TMEM120B: variants seen among roughly 807,000 people sequenced by gnomAD.
The protein encoded by TMEM120B is transmembrane protein 120B.
TMEM120B carries 31 observed loss-of-function variants against 55.5 expected under a neutral mutation model. The observed-to-expected ratio is 0.56, with a 90% CI of 0.42 to 0.75. The LOEUF is 0.75. Ranked by LOEUF, TMEM120B falls within the 30% of genes least tolerant of loss-of-function variation. TMEM120B has a pLI of 0.00. For missense variants in TMEM120B, 399 were observed against 425.5 expected, an observed-to-expected ratio of 0.94 and a Z score of 0.55; for synonymous variants, 203 against 176.3, an observed-to-expected ratio of 1.15 and a Z score of -1.20.
chr12:121,751,167 C>G (rs1443070984), intron 4 of TMEM120B, among the ~76,000 whole-genome samples: 8 of 139,828 alleles, frequency 5.7e-5, no homozygotes, highest in Admixed American at 5.6e-4. Flanking sequence ...AACCCACACC[C>G]CACACCTAAC....
chr12:121,754,456 C>T (rs1369259536), intron 5 of TMEM120B, among the ~76,000 whole-genome samples: 2 of 152,192 alleles, frequency 1.3e-5, no homozygotes, highest in Non-Finnish European at 2.9e-5. Flanking sequence ...AAACGACAGA[C>T]ACATTTTCCC....
intron 5 of TMEM120B, among the ~76,000 whole-genome samples, chr12:121,760,357 AG>A (rs1387975698): frequency 2.0e-5 from 3 of 150,038 alleles, no homozygotes; most frequent in Non-Finnish European, 4.4e-5. Context: ...TTGGAGGACA[AG>A]TGTGCGGTGT....
chr12:121,729,961 A>G (rs185011982), intron 1 of TMEM120B, among the ~76,000 whole-genome samples: 28 of 152,008 alleles, frequency 1.8e-4, no homozygotes, highest in Non-Finnish European at 3.2e-4. Context: ...TACTAGCCTT[A>G]AAAAGGAAGG....
At chr12:121,760,299 A>C (rs927859589) in intron 5 of TMEM120B, among the ~76,000 whole-genome samples, 1 of 152,048 alleles carries the variant, frequency 6.6e-6, no homozygotes, top group African/African-American at 2.4e-5. Context: ...TGTCTCAAAA[A>C]AAAAAAGAAA....
intron 10 of TMEM120B, 126 bp downstream of exon 10, chr12:121,774,848 G>C: frequency 7.8e-7 from 1 of 1,275,696 alleles, no homozygotes; most frequent in Non-Finnish European, 1.1e-6. Context: ...CTGGGGCCGG[G>C]GCAGCCTCTG....
Position 121,781,193 on chromosome 12 carries a change from C to T in TMEM120B, c.*5471C>T. On this transcript the variant is annotated 3_prime_UTR_variant, in exon 12 of 12. Coordinates refer to ENST00000449592, the MANE Select transcript of TMEM120B (RefSeq NM_001080825.2). ...CGCAGCCGGTCATAGTCTTCTTGCCCTGAAAGCACAGAGCAGCGGGGGTCA... is the reference window on the plus strand; with the variant it reads ...CGCAGCCGGTCATAGTCTTCTTGCCTTGAAAGCACAGAGCAGCGGGGGTCA... 2 of 1,614,072 alleles carry T rather than the reference C, an allele frequency of 1.2e-6. No homozygotes were observed. The highest frequency in any genetic ancestry group is 1.7e-6 in the Non-Finnish European group (2 of 1,179,928).
chr12:121,763,068 C>T (rs1430088981), intron 6 of TMEM120B, among the ~76,000 whole-genome samples: 1 of 152,058 alleles, frequency 6.6e-6, no homozygotes, highest in Non-Finnish European at 1.5e-5. Flanking sequence ...GTCTTGAGAC[C>T]CAGTTAAAAC....
At chr12:121,756,485 C>G (rs1382484029) in intron 5 of TMEM120B, among the ~76,000 whole-genome samples, 7 of 152,176 alleles carry the variant, frequency 4.6e-5, no homozygotes, top group Admixed American at 2.6e-4. Context: ...GTCTCAAACT[C>G]CTAAAGTCTT....
At chr12:121,726,578 CA>C (rs35018846) in intron 1 of TMEM120B, among the ~76,000 whole-genome samples, 12 of 130,944 alleles carry the variant, frequency 9.2e-5, no homozygotes, top group Admixed American at 1.6e-4. Context: ...GACTCTGTCT[CA>C]AAAAAAAAAA....
In TMEM120B at chr12:121,760,294, C is replaced by CA. The variant is rs113740667; in HGVS notation, c.462-1344dup. On this transcript the variant is annotated intron_variant, in intron 5 of 11. Coordinates refer to ENST00000449592, the MANE Select transcript of TMEM120B (RefSeq NM_001080825.2). The stretch of plus-strand genomic sequence containing the variant: ...CTCCAGCCTGAGCGAGACTCTGTCT[C>CA]AAAAAAAAAAAGAAAAAGTAAAGTA... Among the ~76,000 whole-genome samples, 755 of 142,040 alleles carry CA rather than the reference C, an allele frequency of 5.3e-3. 4 individuals carry two copies. The highest frequency in any genetic ancestry group is 0.014 in the African/African-American group (557 of 39,098). 93.2% of individuals were successfully genotyped at this position (142,040 alleles called of 152,430 possible).
chr12:121,776,778 A>T lies in TMEM120B; in HGVS notation c.*1056A>T, dbSNP rs1026104019. On this transcript the variant is annotated 3_prime_UTR_variant, in exon 12 of 12. Coordinates refer to ENST00000449592, the MANE Select transcript of TMEM120B (RefSeq NM_001080825.2). The stretch of plus-strand genomic sequence containing the variant: ...GGCATGCCTTGTTTAGCCCTCCTCA[A>T]GGAATTTTAAAATTTTTAATTACTT... The T allele has an allele frequency of 6.6e-6, 1 of 151,252 alleles. No individual in the cohort carries two copies. The highest frequency in any genetic ancestry group is 2.5e-5 in the African/African-American group (1 of 40,654). The allele number at this position is 151,252 out of a possible 1,614,324, so 9.4% of individuals were successfully genotyped here.
At position 121,778,862 on chromosome 12, in the gene TMEM120B, A is replaced by G. The variant is rs1874335274; in HGVS notation, c.*3140A>G. ...GATGGGTGGTCCAGGGTATACTTTTAACAACTGAGAAGCCATTTTTTCTGC... is the reference window on the plus strand; with the variant it reads ...GATGGGTGGTCCAGGGTATACTTTTGACAACTGAGAAGCCATTTTTTCTGC... On this transcript the variant is annotated 3_prime_UTR_variant, in exon 12 of 12. Coordinates refer to ENST00000449592, the MANE Select transcript of TMEM120B (RefSeq NM_001080825.2). The G allele has an allele frequency of 6.5e-6, 1 of 152,694 alleles. No homozygotes were observed. The highest frequency in any genetic ancestry group is 2.1e-4 in the South Asian group (1 of 4,842). The allele number at this position is 152,694 out of a possible 1,614,324, so 9.5% of individuals were successfully genotyped here.
At position 121,779,605 on chromosome 12, in the gene TMEM120B, A is replaced by C. The variant is rs1874369594; in HGVS notation, c.*3883A>C. Reference sequence around the variant, plus strand: ...AAGACGTCCTCCACATTCTCCCGAAACTTGGCGGAACATTCCAGGTAGAGA... The same window carrying C: ...AAGACGTCCTCCACATTCTCCCGAACCTTGGCGGAACATTCCAGGTAGAGA... On this transcript the variant is annotated 3_prime_UTR_variant, in exon 12 of 12. Coordinates refer to ENST00000449592, the MANE Select transcript of TMEM120B (RefSeq NM_001080825.2). 6.2e-7 allele frequency: 1 copy of C among 1,614,090 alleles called. No homozygotes were observed. Among genetic ancestry groups the C allele is most frequent in the Non-Finnish European group, 8.5e-7 (1 of 1,180,034 alleles).
chr12:121,777,332 C>T lies in TMEM120B; in HGVS notation c.*1610C>T, dbSNP rs1874278999. 1 of 151,962 alleles carries T rather than the reference C, an allele frequency of 6.6e-6. No homozygotes were observed. Among genetic ancestry groups the T allele is most frequent in the African/African-American group, 2.4e-5 (1 of 41,324 alleles). The allele number at this position is 151,962 out of a possible 1,614,324, so 9.4% of individuals were successfully genotyped here. A position where few individuals can be genotyped will look rare whatever the true frequency, so the allele number is the denominator to read the frequency against. On this transcript the variant is annotated 3_prime_UTR_variant, in exon 12 of 12. Transcript: ENST00000449592. ...GTCTCACTATGTTGCCCAGGCTGGT[C>T]TCCAACTCATGGGCTCAACTCATCC...
intron 1 of TMEM120B, among the ~76,000 whole-genome samples, chr12:121,732,085 A>G (rs1895014140): frequency 2.0e-5 from 3 of 152,192 alleles, no homozygotes; most frequent in Non-Finnish European, 4.4e-5. Flanking sequence ...TGCAGTGAGC[A>G]GAGATCGGGC....
intron 2 of TMEM120B, among the ~76,000 whole-genome samples, chr12:121,745,266 C>T (rs1447955178): frequency 6.6e-6 from 1 of 152,204 alleles, no homozygotes; most frequent in East Asian, 1.9e-4. Context: ...TTTGAGAGTT[C>T]CGTGTTACCA....
chr12:121,725,033 C>T (rs1894867327), intron 1 of TMEM120B, among the ~76,000 whole-genome samples: 1 of 152,154 alleles, frequency 6.6e-6, no homozygotes. Context: ...TTGTATTTTT[C>T]TCTCTTGGAT....
chr12:121,743,724 G>C lies in TMEM120B; in HGVS notation c.165G>C (p.Lys55Asn). ...SSISKQKKHL[K>N]DLKLTLQRCK... ...TCAGTAAGCAGAAGAAGCACCTCAA[G>C]GACTTGAAGCTTACACTCCAGAGGT... The change falls in exon 2 of 12, where the codon AAG (lysine) becomes AAC (asparagine). Residue 55 changes from lysine to asparagine, a missense_variant. Lys to Asn is a moderately conservative substitution (Grantham distance 94). Around this residue, in one of 3 missense-constraint regions of TMEM120B, gnomAD observed 133 missense variants for 104.1 expected, o/e 1.28. Coordinates refer to ENST00000449592, the MANE Select transcript of TMEM120B (RefSeq NM_001080825.2). 6.2e-7 allele frequency: 1 copy of C among 1,613,362 alleles called. No individual in the cohort carries two copies. The highest frequency in any genetic ancestry group is 8.5e-7 in the Non-Finnish European group (1 of 1,179,906).
In TMEM120B at chr12:121,779,771, G is replaced by T; in HGVS notation, c.*4049G>T. On this transcript the variant is annotated 3_prime_UTR_variant, in exon 12 of 12. Coordinates refer to ENST00000449592, the MANE Select transcript of TMEM120B (RefSeq NM_001080825.2). ...AGGACTCTGCAGGGATGGAGGCCTT[G>T]GTTTGGGCCTGTCTGTCTCCTCCAT... 8.5e-7 allele frequency: 1 copy of T among 1,182,946 alleles called. No homozygotes were observed. The highest frequency in any genetic ancestry group is 1.2e-6 in the Non-Finnish European group (1 of 834,694). 73.3% of individuals were successfully genotyped at this position (1,182,946 alleles called of 1,614,324 possible).
Sources: allele counts gnomAD v4.1 joint callset (sites outside exome capture counted in the v4.1 genomes callset), GRCh38; gene constraint gnomAD v4.1.1; regional missense constraint gnomAD v4.1.1; transcripts MANE v1.5; gene names NCBI Gene and HGNC (gene_info 2026-07-23, HGNC 2026-07-21).